ARHGEF9: variants seen among roughly 807,000 people sequenced by gnomAD.
ARHGEF9 encodes the protein Cdc42 guanine nucleotide exchange factor 9.
In ARHGEF9, 2 loss-of-function variants were observed where a neutral mutation model predicts 41.3. The ratio of observed to expected loss-of-function variants is 0.05; its 90% confidence interval spans 0.02 to 0.15. The LOEUF (loss-of-function observed/expected upper bound fraction) is 0.15. ARHGEF9 is among the 10% of genes least tolerant of loss of function. The probability of loss-of-function intolerance (pLI) is 1.00; values close to 1 mark genes in which losing one functional copy is unlikely to be tolerated. For missense variants in ARHGEF9, 225 were observed against 424.7 expected, an observed-to-expected ratio of 0.53 and a Z score of 4.13; for synonymous variants, 160 against 154.4, an observed-to-expected ratio of 1.04 and a Z score of -0.27.
intron 1 of ARHGEF9, among the ~76,000 whole-genome samples, chrX:63,761,344 A>G (rs2056030287): frequency 8.9e-6 from 1 of 111,934 alleles, no homozygotes; most frequent in African/African-American, 3.2e-5. Flanking sequence ...TCTCCTTTAT[A>G]AAATGTAAGC....
chrX:63,741,607 A>T (rs1297208537), intron 1 of ARHGEF9, among the ~76,000 whole-genome samples: 3 of 112,581 alleles, frequency 2.7e-5, no homozygotes, highest in Non-Finnish European at 5.6e-5. Flanking sequence ...AGGAGTGTGT[A>T]TCTCAGGTAT....
Position 63,676,579 on chromosome X carries a change from A to G in ARHGEF9, c.815+1761T>C, listed in dbSNP as rs1432678424. ...ATCACCGAAGTTTCTCCTTGGCAAG[A>G]TGTCTGAGCCTGACACTTAGAAGGA... On this transcript the variant is annotated intron_variant, in intron 5 of 9. Coordinates refer to ENST00000671741, the MANE Select transcript of ARHGEF9 (RefSeq NM_001353921.2). Among the ~76,000 whole-genome samples, 5 of 112,102 alleles carry G rather than the reference A, an allele frequency of 4.5e-5. No homozygotes were observed. In the Admixed American group the frequency reaches 4.7e-4, roughly 11 times the overall value.
chrX:63,735,707 C>T (rs1301682762), intron 1 of ARHGEF9, among the ~76,000 whole-genome samples: 8 of 111,691 alleles, frequency 7.2e-5, no homozygotes, highest in African/African-American at 2.6e-4. Context: ...TTTCAATTAA[C>T]TGAAACCACC....
At chrX:63,716,450 T>C (rs1468627906) in intron 2 of ARHGEF9, among the ~76,000 whole-genome samples, 7 of 111,519 alleles carry the variant, frequency 6.3e-5, no homozygotes, top group African/African-American at 2.3e-4. Context: ...TCACCTCCCT[T>C]ATGCATAAGT....
intron 1 of ARHGEF9, chrX:63,754,424 G>C: frequency 8.6e-7 from 1 of 1,164,618 alleles, no homozygotes; most frequent in Non-Finnish European, 1.1e-6. Context: ...TTTTTTTCTC[G>C]GTGGCTCTCG....
Position 63,724,576 on chromosome X carries a change from G to T in ARHGEF9, c.166C>A (p.Gln56Lys), listed in dbSNP as rs781823638. 4.0e-5 allele frequency: 48 copies of T among 1,208,796 alleles called. 1 individual carries two copies. In the South Asian group the frequency reaches 7.9e-4, roughly 20 times the overall value. Residue 56 changes from glutamine (Q) to lysine (K), a missense_variant, in exon 2 of 10, where the codon CAG becomes AAG. Coordinates refer to ENST00000671741, the MANE Select transcript of ARHGEF9 (RefSeq NM_001353921.2). ...AACCATCCCTCCTCATCGTCGATCT[G>T]GCCCCACCACCAATCCTTGTTGGAA... ...DASNKDWWWGQIDDEEGWFPA... is the reference protein window; with the variant it reads ...DASNKDWWWGKIDDEEGWFPA...
At chrX:63,668,241 C>T (rs1444295504) in intron 6 of ARHGEF9, among the ~76,000 whole-genome samples, 1 of 110,666 alleles carries the variant, frequency 9.0e-6, no homozygotes, top group Admixed American at 9.6e-5. Context: ...TCAAGCGATA[C>T]TTGTGTCTCA....
Position 63,637,682 on chromosome X carries a change from T to C in ARHGEF9, c.*346A>G, listed in dbSNP as rs1488372750. 4.8e-6 allele frequency: 1 copy of C among 206,443 alleles called. No homozygotes were observed. Among genetic ancestry groups the C allele is most frequent in the Non-Finnish European group, 8.7e-6 (1 of 115,042 alleles). 17.0% of individuals were successfully genotyped at this position (206,443 alleles called of 1,213,427 possible). A position where few individuals can be genotyped will look rare whatever the true frequency, so the allele number is the denominator to read the frequency against. Reference sequence around the variant, plus strand: ...GAGATTATCTTAACAAGAAAAGCAATGAATAGAAATGTCAACTTCTGAAAG... The same window carrying C: ...GAGATTATCTTAACAAGAAAAGCAACGAATAGAAATGTCAACTTCTGAAAG... On this transcript the variant is annotated 3_prime_UTR_variant, in exon 10 of 10. Coordinates refer to ENST00000671741, the MANE Select transcript of ARHGEF9 (RefSeq NM_001353921.2).
intron 1 of ARHGEF9, among the ~76,000 whole-genome samples, chrX:63,762,560 A>T (rs1241579364): frequency 1.8e-5 from 2 of 111,271 alleles, no homozygotes; most frequent in African/African-American, 6.5e-5. Context: ...CAGGACACAT[A>T]AATAGATGGG....
At chrX:63,715,793 C>T (rs2053251123) in intron 2 of ARHGEF9, among the ~76,000 whole-genome samples, 1 of 111,876 alleles carries the variant, frequency 8.9e-6, no homozygotes, top group Admixed American at 9.5e-5. Flanking sequence ...AACATTTGTA[C>T]AAAACATTAT....
At chrX:63,736,632 ATAGTCT>A (rs2054628836) in intron 1 of ARHGEF9, among the ~76,000 whole-genome samples, 1 of 112,362 alleles carries the variant, frequency 8.9e-6, no homozygotes, top group Admixed American at 9.4e-5. Context: ...AACCAAGCCT[ATAGTCT>A]TAGAAGAATG....
At chrX:63,697,392 G>T (rs2051827797) in intron 3 of ARHGEF9, 88 bp from the exon 4 acceptor site, 2 of 838,217 alleles carry the variant, frequency 2.4e-6, no homozygotes, top group Non-Finnish European at 1.8e-6. Flanking sequence ...CCTCATTTTG[G>T]TCCCAAGAAG....
At chrX:63,769,569 T>A (rs782198299) in intron 1 of ARHGEF9, among the ~76,000 whole-genome samples, 85 of 112,149 alleles carry the variant, frequency 7.6e-4, no homozygotes, top group African/African-American at 2.7e-3. Context: ...AAGGTCTTCA[T>A]GGCAAGCCCT....
At chrX:63,777,374 G>A (rs781832455) in intron 1 of ARHGEF9, among the ~76,000 whole-genome samples, 2 of 111,112 alleles carry the variant, frequency 1.8e-5, no homozygotes, top group Non-Finnish European at 3.8e-5. Context: ...ATGACACATG[G>A]GGATTATGGG....
intron 4 of ARHGEF9, among the ~76,000 whole-genome samples, chrX:63,687,870 C>T (rs2051084109): frequency 9.1e-6 from 1 of 109,479 alleles, no homozygotes; most frequent in South Asian, 3.9e-4. Flanking sequence ...AGGGGATAGC[C>T]TCAAAAGAGC....
intron 1 of ARHGEF9, among the ~76,000 whole-genome samples, chrX:63,779,588 G>A (rs1294627551): frequency 1.8e-5 from 2 of 111,875 alleles, no homozygotes; most frequent in African/African-American, 3.3e-5. Context: ...AGACTGGGGT[G>A]GGGACACAGC....
At chrX:63,687,892 T>G (rs1286839878) in intron 4 of ARHGEF9, among the ~76,000 whole-genome samples, 2 of 109,281 alleles carry the variant, frequency 1.8e-5, no homozygotes, top group African/African-American at 3.3e-5. Flanking sequence ...AGTCAAAGGG[T>G]CATTGGCTTT....
intron 7 of ARHGEF9, among the ~76,000 whole-genome samples, chrX:63,665,626 A>G (rs2049485468): frequency 8.9e-6 from 1 of 112,454 alleles, no homozygotes; most frequent in Non-Finnish European, 1.9e-5. Context: ...GGAGCACCCC[A>G]GGGTCATTAG....
chrX:63,693,812 T>G (rs1335694118), intron 4 of ARHGEF9, among the ~76,000 whole-genome samples: 1 of 109,436 alleles, frequency 9.1e-6, no homozygotes, highest in African/African-American at 3.3e-5. Flanking sequence ...CACTATACAT[T>G]GGAAATGTAA....
Sources: gnomAD v4.1 joint callset for allele counts (sites outside exome capture counted in the v4.1 genomes callset) on GRCh38, gnomAD v4.1.1 for gene constraint, MANE v1.5 for transcripts, NCBI Gene and HGNC (gene_info 2026-07-23, HGNC 2026-07-21) for gene names.